The following CLEC16A variants were observed in gnomAD, a reference collection of about 807,000 sequenced individuals.
CLEC16A encodes the protein C-type lectin domain containing 16A.
In CLEC16A, 51 loss-of-function variants were observed where a neutral mutation model predicts 109.5. The ratio of observed to expected loss-of-function variants is 0.47; its 90% CI spans 0.37 to 0.59. The LOEUF is 0.59. Ranked by LOEUF, CLEC16A falls within the 20% of genes least tolerant of loss-of-function variation. The pLI is 0.00. For missense variants in CLEC16A, 1,339 were observed against 1,394.0 expected, an observed-to-expected ratio of 0.96 and a Z score of 0.63; for synonymous variants, 673 against 564.2, an observed-to-expected ratio of 1.19 and a Z score of -2.73.
intron 22 of CLEC16A, among the ~76,000 whole-genome samples, chr16:11,155,240 T>A (rs2054462730): frequency 6.6e-6 from 1 of 152,146 alleles, no homozygotes; most frequent in Non-Finnish European, 1.5e-5. Context: ...TAGATTGCGT[T>A]AATGCTTTCA....
At chr16:11,175,184 C>T (rs1169160534) in intron 23 of CLEC16A, among the ~76,000 whole-genome samples, 2 of 152,184 alleles carry the variant, frequency 1.3e-5, no homozygotes, top group Non-Finnish European at 2.9e-5. Context: ...GTGTTAAGGC[C>T]CCACCCTAGG....
intron 23 of CLEC16A, among the ~76,000 whole-genome samples, chr16:11,173,275 C>A (rs1380568321): frequency 6.6e-6 from 1 of 152,146 alleles, no homozygotes; most frequent in Admixed American, 6.5e-5. Flanking sequence ...ACCATTTTCG[C>A]CGTTTTTCAG....
In CLEC16A at chr16:11,142,187, G is replaced by A. The variant is rs534213926; in HGVS notation, c.2641+16041G>A. Among the ~76,000 whole-genome samples, 11 of 152,280 alleles carry A rather than the reference G, an allele frequency of 7.2e-5. No individual in the cohort carries two copies. The South Asian group carries it at 2.3e-3, about 32-fold the overall frequency. ...TGCCCGAAGTCACTCAGTGGTAGGT[G>A]GTGTTGCTGAAACCCACTGCTAGGC... is the stretch of plus-strand genomic sequence containing the variant. On this transcript the variant is annotated intron_variant, in intron 22 of 23. Coordinates refer to ENST00000409790, the MANE Select transcript of CLEC16A (RefSeq NM_015226.3).
chr16:11,179,158 A>G lies in CLEC16A; in HGVS notation c.*468A>G, dbSNP rs187905646. 2 of 157,280 alleles carry G rather than the reference A, an allele frequency of 1.3e-5. No homozygotes were observed. Among genetic ancestry groups the G allele is most frequent in the East Asian group, 3.7e-4 (2 of 5,348 alleles). 9.7% of individuals were successfully genotyped at this position (157,280 alleles called of 1,614,324 possible). On this transcript the variant is annotated 3_prime_UTR_variant, in exon 24 of 24. Transcript: ENST00000409790. ...TATTTCCGCTTTTGGCAGCAGGTGA[A>G]CATTTATTTTTAAAACTTCTATTTA...
At chr16:11,124,628 C>T (rs1835160055) in intron 21 of CLEC16A, among the ~76,000 whole-genome samples, 1 of 152,238 alleles carries the variant, frequency 6.6e-6, no homozygotes, top group African/African-American at 2.4e-5. Flanking sequence ...GCAAGGCCTT[C>T]TCCTCGGCGT....
In CLEC16A at chr16:11,123,786, C is replaced by G. The variant is rs202186046; in HGVS notation, c.2313C>G (p.Asn771Lys). Residue 771 changes from asparagine (N) to lysine (K), a missense_variant, in exon 21 of 24, where the codon AAC (asparagine) becomes AAG (lysine). Asn to Lys is a moderately conservative substitution (Grantham distance 94). This residue lies in a region of CLEC16A where 1,061 missense variants were observed against 1,006.8 expected (regional missense o/e 1.05). Transcript: ENST00000409790. ...TGGAGGACGACAGCCGTGCCCTGAA[C>G]ATCACCATCCACAAGCCTGCGTCCA... is the stretch of plus-strand genomic sequence containing the variant. Reference protein sequence around the residue: ...TGVEDDSRALNITIHKPASSP... With the variant: ...TGVEDDSRALKITIHKPASSP... 13 of 1,614,074 alleles carry G rather than the reference C, an allele frequency of 8.1e-6. No homozygotes were observed. The highest frequency in any genetic ancestry group is 1.1e-5 in the Non-Finnish European group (13 of 1,179,910).
At chr16:11,080,296 C>T (rs1200767055) in intron 19 of CLEC16A, among the ~76,000 whole-genome samples, 4 of 152,182 alleles carry the variant, frequency 2.6e-5, no homozygotes, top group Non-Finnish European at 5.9e-5. Flanking sequence ...CTGGAAACTG[C>T]AGGATCAAGA....
chr16:11,032,650 C>T (rs945610034), intron 13 of CLEC16A, among the ~76,000 whole-genome samples: 11 of 151,970 alleles, frequency 7.2e-5, no homozygotes, highest in Admixed American at 3.9e-4. Flanking sequence ...TCAGGGTGGT[C>T]GGGGAGGGCT....
intron 11 of CLEC16A, among the ~76,000 whole-genome samples, chr16:11,006,090 G>A (rs959618015): frequency 6.6e-6 from 1 of 152,166 alleles, no homozygotes; most frequent in Admixed American, 6.5e-5. Context: ...GGACAGGGCT[G>A]GGCCCAGGTG....
chr16:10,982,345 T>C (rs2146713591), intron 9 of CLEC16A, among the ~76,000 whole-genome samples: 1 of 152,228 alleles, frequency 6.6e-6, no homozygotes, highest in Middle Eastern at 3.4e-3. Flanking sequence ...CTGACGATGC[T>C]GTGGAATCCC....
intron 11 of CLEC16A, among the ~76,000 whole-genome samples, chr16:11,003,627 A>G (rs2044804663): frequency 6.6e-6 from 1 of 152,192 alleles, no homozygotes; most frequent in African/African-American, 2.4e-5. Context: ...ATGAGCGAAT[A>G]TGTGCAATGT....
chr16:10,978,379 C>T (rs765962158), intron 8 of CLEC16A, among the ~76,000 whole-genome samples: 4 of 152,288 alleles, frequency 2.6e-5, no homozygotes, highest in South Asian at 4.1e-4. Context: ...GGTCACCATG[C>T]AGAGGTGCTC....
At chr16:11,111,741 G>A (rs1347692286) in intron 19 of CLEC16A, among the ~76,000 whole-genome samples, 2 of 152,148 alleles carry the variant, frequency 1.3e-5, no homozygotes, top group South Asian at 2.1e-4. Flanking sequence ...AAAAGAGCAG[G>A]CATTAGGCTG....
At chr16:10,985,333 C>T (rs974713346) in intron 10 of CLEC16A, among the ~76,000 whole-genome samples, 1 of 151,540 alleles carries the variant, frequency 6.6e-6, no homozygotes, top group Non-Finnish European at 1.5e-5. Context: ...GAATTGCCAA[C>T]ATTAAAATTT....
chr16:11,118,888 G>A (rs948220482), intron 19 of CLEC16A, among the ~76,000 whole-genome samples: 2 of 152,212 alleles, frequency 1.3e-5, no homozygotes, highest in Non-Finnish European at 2.9e-5. Context: ...ATTTATTGAA[G>A]ATGGTGTTCT....
chr16:11,051,423 G>T (rs1011514746), intron 17 of CLEC16A, 90 bp from the exon 18 acceptor site: 110 of 1,342,730 alleles, frequency 8.2e-5, no homozygotes, highest in Non-Finnish European at 1.1e-4. Flanking sequence ...AAATGCGGTT[G>T]AAGGCGAGGG....
chr16:11,083,261 C>T (rs1328086095), intron 19 of CLEC16A, among the ~76,000 whole-genome samples: 6 of 152,320 alleles, frequency 3.9e-5, no homozygotes. Flanking sequence ...CTCCTGGGCT[C>T]AAGCAATCCT....
intron 13 of CLEC16A, 139 bp from the exon 14 acceptor site, chr16:11,039,610 AAAAAG>A (rs1817655799): frequency 5.4e-6 from 6 of 1,103,222 alleles, no homozygotes; most frequent in South Asian, 3.7e-5. Flanking sequence ...AAAAACTAAA[AAAAAG>A]AAAAGAAAAA....
At chr16:11,087,704 A>G (rs895372919) in intron 19 of CLEC16A, among the ~76,000 whole-genome samples, 2 of 152,202 alleles carry the variant, frequency 1.3e-5, no homozygotes, top group African/African-American at 2.4e-5. Context: ...ATTTCTCACA[A>G]TCACCAGGAA....
Sources: gnomAD v4.1 joint callset for allele counts (sites outside exome capture counted in the v4.1 genomes callset) on GRCh38, gnomAD v4.1.1 for gene constraint, gnomAD v4.1.1 regional missense constraint, MANE v1.5 for transcripts, NCBI Gene and HGNC (gene_info 2026-07-23, HGNC 2026-07-21) for gene names.